Variants in SLC25A48 observed in about 807,000 individuals in gnomAD.
SLC25A48 encodes solute carrier family 25 member 48.
In SLC25A48, 29 loss-of-function variants were observed where a neutral mutation model predicts 32.2. That is an observed-to-expected ratio of 0.90 (90% CI 0.67 to 1.23). The LOEUF (loss-of-function observed/expected upper bound fraction) is 1.23. Among genes scored for constraint, SLC25A48 ranks in the 50% most tolerant of loss-of-function variants. The pLI, the probability that SLC25A48 is intolerant of heterozygous loss-of-function variation, is 0.00. For missense variants in SLC25A48, 399 were observed against 422.7 expected (o/e 0.94, Z 0.49); for synonymous variants, 164 against 172.3 (o/e 0.95, Z 0.38).
In SLC25A48 at chr5:135,754,258, GTAT is replaced by G. The variant is rs1331618825; in HGVS notation, c.-520-58258_-520-58256del. Among the ~76,000 whole-genome samples, 94 of 151,270 alleles carry G rather than the reference GTAT, an allele frequency of 6.2e-4. 1 individual carries two copies. The highest frequency in any genetic ancestry group is 2.1e-3 in the African/African-American group (89 of 41,400). On this transcript the variant is annotated intron_variant, in intron 3 of 10. Coordinates refer to the SLC25A48 transcript ENST00000646290. ...TGATAGCAGCAGTCATTTCTCAAGG[GTAT>G]TATTATGCAGGATATCATAGTGCGT...
intron 6 of SLC25A48, among the ~76,000 whole-genome samples, chr5:135,879,583 GGAGAGAGAGAGAGA>G (rs371969525): frequency 7.7e-4 from 110 of 143,502 alleles, no homozygotes; most frequent in African/African-American, 2.5e-3. Context: ...AGATTCCCGA[GGAGAGAGAGAGAGA>G]GAGAGAGAGA....
intron 3 of SLC25A48, among the ~76,000 whole-genome samples, chr5:135,791,716 A>G (rs1191836518): frequency 1.3e-5 from 2 of 151,650 alleles, no homozygotes; most frequent in African/African-American, 4.8e-5. Flanking sequence ...ACACTGTGAT[A>G]TTATTGGTAA....
intron 3 of SLC25A48, among the ~76,000 whole-genome samples, chr5:135,669,799 C>T (rs2214274): frequency 0.68 from 103,607 of 152,002 alleles, 35,813 homozygotes; most frequent in Middle Eastern, 0.79. Context: ...AGTCTGTGTT[C>T]CCTGGGCAAT....
chr5:135,746,035 G>T (rs1265769920), intron 3 of SLC25A48, among the ~76,000 whole-genome samples: 3 of 152,124 alleles, frequency 2.0e-5, no homozygotes, highest in Middle Eastern at 3.4e-3. Flanking sequence ...CTTTGCTCTC[G>T]CCTTCTACAG....
chr5:135,700,550 C>A (rs890679753), intron 3 of SLC25A48, among the ~76,000 whole-genome samples: 2 of 152,122 alleles, frequency 1.3e-5, no homozygotes, highest in Non-Finnish European at 2.9e-5. Context: ...TGGGAGAGGC[C>A]CCCACGGGCA....
chr5:135,815,822 T>C (rs1417606907), intron 4 of SLC25A48, among the ~76,000 whole-genome samples: 1 of 152,218 alleles, frequency 6.6e-6, no homozygotes, highest in Non-Finnish European at 1.5e-5. Flanking sequence ...GTAATACAGA[T>C]ATTTAAACAG....
At chr5:135,698,793 A>T (rs1251916808) in intron 3 of SLC25A48, among the ~76,000 whole-genome samples, 2 of 152,260 alleles carry the variant, frequency 1.3e-5, no homozygotes, top group African/African-American at 2.4e-5. Context: ...TTTGAAATAC[A>T]TACATCTGAT....
chr5:135,857,416 T>C (rs371449462), intron 4 of SLC25A48, among the ~76,000 whole-genome samples: 1 of 152,304 alleles, frequency 6.6e-6, no homozygotes, highest in East Asian at 1.9e-4. Context: ...CAGCTGCCAA[T>C]GTGACATGCT....
Position 135,834,702 on chromosome 5 carries a change from C to G in SLC25A48, c.-146C>G. The G allele has an allele frequency of 1.2e-6, 1 of 868,832 alleles. No individual in the cohort carries two copies. Among genetic ancestry groups the G allele is most frequent in the Non-Finnish European group, 1.7e-6 (1 of 579,612 alleles). The allele number at this position is 868,832 out of a possible 1,614,324, so 53.8% of individuals were successfully genotyped here. ...GCGCGGCAGCCCGCGCAGCCGGTGA[C>G]TGGGGGACTGGGTTTGGAGTAGGAC... On this transcript the variant is annotated 5_prime_UTR_variant, in exon 1 of 8. Transcript: ENST00000681962.
intron 3 of SLC25A48, among the ~76,000 whole-genome samples, chr5:135,742,991 T>C (rs1233715497): frequency 0.047 from 14 of 300 alleles, no homozygotes; most frequent in Non-Finnish European, 0.052. Flanking sequence ...CCCCCCTCCC[T>C]TCCTCTCCCC....
chr5:135,778,267 C>T (rs62365738), intron 3 of SLC25A48, among the ~76,000 whole-genome samples: 1 of 151,578 alleles, frequency 6.6e-6, no homozygotes, highest in Non-Finnish European at 1.5e-5. Context: ...GATGATATTG[C>T]TCTCAGTGTT....
chr5:135,747,344 C>A (rs753043237), intron 3 of SLC25A48, among the ~76,000 whole-genome samples: 6 of 144,814 alleles, frequency 4.1e-5, no homozygotes, highest in Non-Finnish European at 7.5e-5. Context: ...ACTATGGATT[C>A]CTGGATTTTT....
intron 3 of SLC25A48, among the ~76,000 whole-genome samples, chr5:135,811,915 C>T (rs1277294825): frequency 6.6e-6 from 1 of 152,058 alleles, no homozygotes; most frequent in African/African-American, 2.4e-5. Context: ...AACTTTGTCT[C>T]TACTAAAAAT....
chr5:135,813,792 G>A (rs933041451), intron 4 of SLC25A48, among the ~76,000 whole-genome samples: 1 of 152,148 alleles, frequency 6.6e-6, no homozygotes, highest in African/African-American at 2.4e-5. Flanking sequence ...AAAGGGGAGA[G>A]AGGAGAACTT....
chr5:135,598,868 C>G (rs1751720909), intron 1 of SLC25A48, among the ~76,000 whole-genome samples: 1 of 152,172 alleles, frequency 6.6e-6, no homozygotes, highest in Non-Finnish European at 1.5e-5. Flanking sequence ...CAGAACCAGT[C>G]TGTGGTCGGT....
At chr5:135,805,944 T>G (rs1162359663) in intron 3 of SLC25A48, among the ~76,000 whole-genome samples, 2 of 151,788 alleles carry the variant, frequency 1.3e-5, no homozygotes, top group Non-Finnish European at 3.0e-5. Context: ...GCACACCCTG[T>G]GTGTACATCC....
intron 4 of SLC25A48, chr5:135,825,817 A>G (rs1279496900): frequency 6.6e-6 from 1 of 152,082 alleles, no homozygotes; most frequent in Non-Finnish European, 1.5e-5. Context: ...ATTACTACAG[A>G]ACCCCTGAGG....
chr5:135,588,492 G>A (rs955385184), intron 1 of SLC25A48, among the ~76,000 whole-genome samples: 23 of 152,336 alleles, frequency 1.5e-4, no homozygotes, highest in African/African-American at 1.9e-4. Flanking sequence ...CCAGAGGCTC[G>A]GCAGGATGTC....
intron 1 of SLC25A48, among the ~76,000 whole-genome samples, chr5:135,604,970 A>G (rs1167509290): frequency 6.6e-6 from 1 of 152,216 alleles, no homozygotes; most frequent in African/African-American, 2.4e-5. Context: ...GAAGCACTTA[A>G]AACAGTTTCT....
Sources: allele counts gnomAD v4.1 joint callset (sites outside exome capture counted in the v4.1 genomes callset), GRCh38; gene constraint gnomAD v4.1.1; transcripts MANE v1.5; gene names NCBI Gene and HGNC (gene_info 2026-07-23, HGNC 2026-07-21).